Variants in EIPR1 observed in about 807,000 individuals in gnomAD.
EIPR1 encodes the protein EARP and GARP complex-interacting protein 1.
In EIPR1, 25 loss-of-function variants were observed where a neutral mutation model predicts 48.1. The observed-to-expected ratio is 0.52, with a 90% CI of 0.38 to 0.73. The LOEUF is 0.73. Ranked by LOEUF, EIPR1 falls within the 30% of genes least tolerant of loss-of-function variation. The pLI, the probability that EIPR1 is intolerant of heterozygous loss-of-function variation, is 0.00. For synonymous variants in EIPR1, 204 were observed against 201.9 expected (o/e 1.01, Z -0.09); for missense variants, 415 against 506.2 (o/e 0.82, Z 1.73).
chr2:3,208,354 C>A, intron 5 of EIPR1: 1 of 1,108,600 alleles, frequency 9.0e-7, no homozygotes, highest in Non-Finnish European at 1.2e-6. Flanking sequence ...CCTCTGTGCC[C>A]GGGTGGGACT....
At chr2:3,257,610 G>T in intron 3 of EIPR1, 155 bp from the exon 4 acceptor site, 1 of 845,380 alleles carries the variant, frequency 1.2e-6, no homozygotes, top group Non-Finnish European at 1.7e-6. Context: ...GCAGGGAGAA[G>T]CACAGCCTGA....
intron 3 of EIPR1, among the ~76,000 whole-genome samples, chr2:3,295,767 GCACA>G (rs1354757012): frequency 4.0e-5 from 2 of 50,460 alleles, no homozygotes; most frequent in African/African-American, 8.1e-5. Flanking sequence ...TCCTCTCTCT[GCACA>G]CACACCCTCC....
intron 6 of EIPR1, among the ~76,000 whole-genome samples, chr2:3,194,703 G>A (rs1176675566): frequency 1.3e-4 from 19 of 151,858 alleles, no homozygotes; most frequent in African/African-American, 4.1e-4. Flanking sequence ...GAAAGGGGGG[G>A]GCAGTGGGGA....
At chr2:3,193,631 C>T (rs1006839582) in intron 7 of EIPR1, among the ~76,000 whole-genome samples, 1 of 152,212 alleles carries the variant, frequency 6.6e-6, no homozygotes, top group African/African-American at 2.4e-5. Flanking sequence ...GCTGCATCAT[C>T]TCCACTGCAC....
At chr2:3,194,594 G>A (rs548903198) in intron 6 of EIPR1, among the ~76,000 whole-genome samples, 1 of 151,758 alleles carries the variant, frequency 6.6e-6, no homozygotes, top group Non-Finnish European at 1.5e-5. Flanking sequence ...AGTTGAGGTA[G>A]AATATAGTGT....
At chr2:3,324,530 T>C (rs933195955) in intron 3 of EIPR1, among the ~76,000 whole-genome samples, 7 of 152,222 alleles carry the variant, frequency 4.6e-5, no homozygotes, top group African/African-American at 1.7e-4. Context: ...CCTGGGGGGA[T>C]TCTCCCATGA....
At chr2:3,214,287 T>C (rs1665554911) in intron 4 of EIPR1, 39 bp from the exon 5 acceptor site, 2 of 1,583,346 alleles carry the variant, frequency 1.3e-6, no homozygotes, top group South Asian at 2.2e-5. Context: ...ACATAAACAT[T>C]TGAGATACCC....
At chr2:3,257,051 A>G (rs2602745) in intron 4 of EIPR1, among the ~76,000 whole-genome samples, 100,663 of 152,108 alleles carry the variant, frequency 0.66, 33,546 homozygotes, top group East Asian at 0.81. Context: ...GCAGGTCCCC[A>G]CGGGCAACAC....
chr2:3,295,525 C>T (rs1668539532), intron 3 of EIPR1, among the ~76,000 whole-genome samples: 1 of 109,174 alleles, frequency 9.2e-6, no homozygotes, highest in Admixed American at 9.0e-5. Flanking sequence ...TCCAGCCCAT[C>T]GTCTCTCCAC....
At chr2:3,374,172 C>T (rs998508799) in intron 1 of EIPR1, among the ~76,000 whole-genome samples, 129 of 146,418 alleles carry the variant, frequency 8.8e-4, no homozygotes, top group African/African-American at 3.0e-3. Flanking sequence ...AACTGGCTAG[C>T]CATATGTAGA....
At chr2:3,318,353 G>A (rs1415112027) in intron 3 of EIPR1, among the ~76,000 whole-genome samples, 8 of 152,334 alleles carry the variant, frequency 5.3e-5, no homozygotes, top group Admixed American at 5.2e-4. Flanking sequence ...GCAGGACGCC[G>A]TGAGGAGCCG....
intron 3 of EIPR1, among the ~76,000 whole-genome samples, chr2:3,306,826 C>G (rs948217373): frequency 6.6e-6 from 1 of 152,020 alleles, no homozygotes. Context: ...GTAAGTGGAC[C>G]CCCCCAGTCC....
Position 3,287,776 on chromosome 2 carries a change from A to G in EIPR1, c.260-30321T>C, listed in dbSNP as rs188453731. On this transcript the variant is annotated intron_variant, in intron 3 of 8. Coordinates refer to ENST00000382125, the MANE Select transcript of EIPR1 (RefSeq NM_003310.5). The stretch of plus-strand genomic sequence containing the variant: ...CTATGCTCCAGAAAGCTCATTCACT[A>G]TGCTCCAGAAAGCTCATTCACCATG... 4.0e-3 allele frequency among the ~76,000 whole-genome samples: 606 copies of G among 152,216 alleles called. 6 individuals are homozygous for G. Among genetic ancestry groups the G allele is most frequent in the Middle Eastern group, 0.017 (5 of 294 alleles).
intron 3 of EIPR1, among the ~76,000 whole-genome samples, chr2:3,288,661 A>T (rs1282765563): frequency 6.6e-6 from 1 of 152,182 alleles, no homozygotes; most frequent in African/African-American, 2.4e-5. Flanking sequence ...CAGCTGCTGG[A>T]CTTTGCCAAA....
In EIPR1 at chr2:3,189,559, C is replaced by G. The variant is rs1558210065; in HGVS notation, c.990-51G>C. On this transcript the variant is annotated intron_variant, in intron 8 of 8. Transcript: ENST00000382125. The surrounding 1 kb of genome is among the most constrained non-coding windows in gnomAD (Gnocchi z 4.6). ...AGCGCAGCAGCTCCGGCGGGGCGGG[C>G]AGGAGAGGGGCAGGGAGGACGCGAG... 1 of 1,476,954 alleles carries G rather than the reference C, an allele frequency of 6.8e-7. No homozygotes were observed. The highest frequency in any genetic ancestry group is 2.5e-5 in the East Asian group (1 of 40,280). 91.5% of individuals were successfully genotyped at this position (1,476,954 alleles called of 1,614,324 possible). A position where few individuals can be genotyped will look rare whatever the true frequency, so the allele number is the denominator to read the frequency against.
At chr2:3,357,360 T>C (rs1422121688) in intron 1 of EIPR1, among the ~76,000 whole-genome samples, 1 of 152,240 alleles carries the variant, frequency 6.6e-6, no homozygotes, top group Non-Finnish European at 1.5e-5. Context: ...CAGTGGCTGT[T>C]GCTGGATTTA....
chr2:3,254,159 C>T (rs1251462322), intron 4 of EIPR1, among the ~76,000 whole-genome samples: 5 of 152,126 alleles, frequency 3.3e-5, no homozygotes, highest in African/African-American at 7.2e-5. Flanking sequence ...TTCACCAGAC[C>T]GACGTTCCCC....
intron 2 of EIPR1, among the ~76,000 whole-genome samples, chr2:3,354,026 G>T (rs1244039510): frequency 6.6e-6 from 1 of 152,146 alleles, no homozygotes; most frequent in South Asian, 2.1e-4. Context: ...TCAAGGTCAC[G>T]TGGTTACTGC....
chr2:3,353,555 C>T (rs1670642691), intron 2 of EIPR1, among the ~76,000 whole-genome samples: 1 of 152,298 alleles, frequency 6.6e-6, no homozygotes, highest in East Asian at 1.9e-4. Context: ...TCATATTGTT[C>T]AACCTAACAT....
Sources: gnomAD v4.1 joint callset for allele counts (sites outside exome capture counted in the v4.1 genomes callset) on GRCh38, gnomAD v4.1.1 for gene constraint, Gnocchi (gnomAD v3.1) non-coding constraint, MANE v1.5 for transcripts, NCBI Gene and HGNC (gene_info 2026-07-23, HGNC 2026-07-21) for gene names.